The following SPECC1 variants were observed in gnomAD, a reference collection of about 807,000 sequenced individuals.
SPECC1 encodes cytospin-B.
Under a neutral mutation model 104.1 loss-of-function variants are expected in SPECC1, and 62 were observed. That is an observed-to-expected ratio of 0.60 (90% CI 0.49 to 0.74). The LOEUF (loss-of-function observed/expected upper bound fraction) is 0.74, where lower values mean the gene tolerates loss of function less well. Ranked by LOEUF, SPECC1 falls within the 30% of genes least tolerant of loss-of-function variation. The probability of loss-of-function intolerance (pLI) is 0.00; values close to 1 mark genes in which losing one functional copy is unlikely to be tolerated. For synonymous variants in SPECC1, 513 were observed against 501.6 expected (o/e 1.02, Z -0.30); for missense variants, 1,306 against 1,310.5 (o/e 1.00, Z 0.05).
intron 3 of SPECC1, among the ~76,000 whole-genome samples, chr17:20,121,112 G>A (rs1403770759): frequency 2.0e-5 from 3 of 152,116 alleles, no homozygotes; most frequent in Admixed American, 2.0e-4. Flanking sequence ...CTATTTTTGA[G>A]CCCTGCCACC....
Position 20,227,673 on chromosome 17 carries a change from G to T in SPECC1, c.2071+53G>T, listed in dbSNP as rs1377590659. On this transcript the variant is annotated intron_variant, in intron 5 of 14. Coordinates refer to ENST00000395527, the MANE Select transcript of SPECC1 (RefSeq NM_001243439.2). ...CTCACACCTATAATCCCAGCACTTT[G>T]GGAGGCTGAGGCAGGAGGATCACCT... The T allele has an allele frequency of 3.9e-6, 6 of 1,538,032 alleles. No homozygotes were observed. The East Asian group carries it at 9.2e-5, about 24-fold the overall frequency.
rs79046876 is a variant in SPECC1 at position 20,257,637 on chromosome 17, A to G, written c.2837+30A>G. On this transcript the variant is annotated intron_variant, in intron 11 of 14. Coordinates refer to ENST00000395527, the MANE Select transcript of SPECC1 (RefSeq NM_001243439.2). The stretch of plus-strand genomic sequence containing the variant: ...CGTGTTTCAAACAATAAGAAATCAG[A>G]AAAACATCGGGCTAATCACCTTTTA... The G allele has an allele frequency of 7.7e-3, 12,401 of 1,608,370 alleles. 717 individuals are homozygous for G. In the African/African-American group the frequency reaches 0.13, roughly 17 times the overall value.
intron 1 of SPECC1, chr17:20,010,038 AGC>A (rs1287751545): frequency 6.6e-6 from 1 of 151,568 alleles, no homozygotes; most frequent in Non-Finnish European, 1.5e-5. Flanking sequence ...GCCCGGGGGC[AGC>A]GCGCGGTGCC....
intron 1 of SPECC1, among the ~76,000 whole-genome samples, chr17:20,032,168 A>G (rs1024959145): frequency 1.3e-5 from 2 of 152,076 alleles, no homozygotes; most frequent in African/African-American, 2.4e-5. Context: ...AGGTTCTCTT[A>G]TAAGTTTTCC....
intron 9 of SPECC1, 106 bp downstream of exon 9, chr17:20,247,425 G>A (rs1477474548): frequency 2.9e-6 from 2 of 688,630 alleles, no homozygotes; most frequent in South Asian, 4.7e-5. Flanking sequence ...TGTGTGTAGA[G>A]TATGTGTTTT....
chr17:20,108,186 A>G lies in SPECC1; in HGVS notation c.148-2241A>G, dbSNP rs554876052. ...GTGCACTTAAAATGGTGAATTTTATATTATGCTTATTTTAGCACAGTAAAG... is the reference window on the plus strand; with the variant it reads ...GTGCACTTAAAATGGTGAATTTTATGTTATGCTTATTTTAGCACAGTAAAG... On this transcript the variant is annotated intron_variant, in intron 2 of 14. Transcript: ENST00000395527. 2.0e-5 allele frequency among the ~76,000 whole-genome samples: 3 copies of G among 152,114 alleles called. No individual in the cohort carries two copies. In the East Asian group the frequency reaches 5.8e-4, roughly 29 times the overall value.
intron 3 of SPECC1, among the ~76,000 whole-genome samples, chr17:20,178,789 G>A (rs570659161): frequency 5.9e-5 from 9 of 152,300 alleles, no homozygotes; most frequent in Admixed American, 3.9e-4. Flanking sequence ...AAAATACATC[G>A]TATTATAAAA....
chr17:20,173,954 C>T (rs902758412), intron 3 of SPECC1, among the ~76,000 whole-genome samples: 5 of 150,314 alleles, frequency 3.3e-5, no homozygotes, highest in Non-Finnish European at 5.9e-5. Flanking sequence ...TTTGTGGAGA[C>T]GGAGTTTTGC....
At chr17:20,223,529 C>T (rs1193851137) in intron 4 of SPECC1, among the ~76,000 whole-genome samples, 2 of 151,940 alleles carry the variant, frequency 1.3e-5, no homozygotes, top group Non-Finnish European at 2.9e-5. Flanking sequence ...AAAAATTAGC[C>T]GGGCGTGGTA....
intron 1 of SPECC1, among the ~76,000 whole-genome samples, chr17:20,016,330 C>T (rs770607667): frequency 3.3e-5 from 5 of 152,188 alleles, no homozygotes; most frequent in Non-Finnish European, 5.9e-5. Flanking sequence ...CGCTCGCTCT[C>T]GGTGCCTCCT....
At chr17:20,213,146 G>A (rs192061182) in intron 4 of SPECC1, among the ~76,000 whole-genome samples, 3 of 151,992 alleles carry the variant, frequency 2.0e-5, no homozygotes, top group Non-Finnish European at 4.4e-5. Context: ...TGCCCAGGCT[G>A]GAGTACAGTG....
At chr17:20,074,101 C>T (rs4346259) in intron 1 of SPECC1, among the ~76,000 whole-genome samples, 43,939 of 151,960 alleles carry the variant, frequency 0.29, 6,865 homozygotes, top group Middle Eastern at 0.43. Context: ...CTGTGCATTC[C>T]TTTTGCCAAG....
At chr17:20,114,411 T>C (rs1369531109) in intron 3 of SPECC1, among the ~76,000 whole-genome samples, 2 of 152,130 alleles carry the variant, frequency 1.3e-5, no homozygotes, top group African/African-American at 4.8e-5. Flanking sequence ...AGGATGGTCT[T>C]GATCTACTGA....
chr17:20,260,353 A>G lies in SPECC1; in HGVS notation c.2940+59A>G. ...CCTGGGCAGTAGTAGTCCTGTGCCA[A>G]TACATGTTCCTTGTGTGCCTGTGCT... On this transcript the variant is annotated intron_variant, in intron 12 of 14. Coordinates refer to ENST00000395527, the MANE Select transcript of SPECC1 (RefSeq NM_001243439.2). 3 of 1,446,020 alleles carry G rather than the reference A, an allele frequency of 2.1e-6. No individual in the cohort carries two copies. In the South Asian group the frequency reaches 3.6e-5, roughly 17 times the overall value. 89.6% of individuals were successfully genotyped at this position (1,446,020 alleles called of 1,614,324 possible). A position where few individuals can be genotyped will look rare whatever the true frequency, so the allele number is the denominator to read the frequency against.
intron 3 of SPECC1, among the ~76,000 whole-genome samples, chr17:20,168,771 G>A (rs1474282219): frequency 2.6e-5 from 4 of 152,194 alleles, no homozygotes; most frequent in Non-Finnish European, 5.9e-5. Context: ...ATATATGTGT[G>A]TGCTTGTATG....
chr17:20,172,257 T>C (rs2151185019), intron 3 of SPECC1, among the ~76,000 whole-genome samples: 1 of 152,328 alleles, frequency 6.6e-6, no homozygotes, highest in East Asian at 1.9e-4. Flanking sequence ...TGGATGCTCC[T>C]CTCTCAGCGT....
At chr17:20,183,865 A>C (rs1018803606) in intron 3 of SPECC1, among the ~76,000 whole-genome samples, 7 of 152,082 alleles carry the variant, frequency 4.6e-5, no homozygotes, top group Non-Finnish European at 7.4e-5. Flanking sequence ...TTCTTATGAA[A>C]TTTTATTAAA....
chr17:20,143,749 A>T (rs1488641272), intron 3 of SPECC1, among the ~76,000 whole-genome samples: 2 of 152,186 alleles, frequency 1.3e-5, no homozygotes. Context: ...TCGTAACGAC[A>T]AATACCAGTA....
At chr17:20,175,246 C>T (rs1198398105) in intron 3 of SPECC1, among the ~76,000 whole-genome samples, 2 of 152,240 alleles carry the variant, frequency 1.3e-5, no homozygotes, top group Non-Finnish European at 2.9e-5. Flanking sequence ...CACCTCCACT[C>T]ATAAGTCATT....
Sources: allele counts gnomAD v4.1 joint callset (sites outside exome capture counted in the v4.1 genomes callset), GRCh38; gene constraint gnomAD v4.1.1; transcripts MANE v1.5; gene names NCBI Gene and HGNC (gene_info 2026-07-23, HGNC 2026-07-21).